The following SIM1 variants were observed in gnomAD, a reference collection of about 807,000 sequenced individuals.
The protein encoded by SIM1 is single-minded homolog 1.
In SIM1, 18 loss-of-function variants were observed where a neutral mutation model predicts 78.2. That is an observed-to-expected ratio of 0.23 (90% CI 0.16 to 0.34). The LOEUF is 0.34. SIM1 is among the 10% of genes least tolerant of loss of function. SIM1 has a pLI of 1.00. For missense variants in SIM1, 939 were observed against 975.1 expected, an observed-to-expected ratio of 0.96 and a Z score of 0.49; for synonymous variants, 417 against 385.2, an observed-to-expected ratio of 1.08 and a Z score of -0.97.
At chr6:100,425,732 G>C (rs1186374269) in intron 9 of SIM1, among the ~76,000 whole-genome samples, 3 of 152,136 alleles carry the variant, frequency 2.0e-5, no homozygotes, top group Admixed American at 2.0e-4. Flanking sequence ...GACACAAATT[G>C]TCTGGCCCTA....
At chr6:100,447,663 G>A (rs186264417) in intron 8 of SIM1, among the ~76,000 whole-genome samples, 1 of 152,352 alleles carries the variant, frequency 6.6e-6, no homozygotes, top group African/African-American at 2.4e-5. Flanking sequence ...TTAGCAAAGG[G>A]AGGAACACTT....
chr6:100,417,647 C>T (rs949318583), intron 10 of SIM1, among the ~76,000 whole-genome samples: 70 of 152,118 alleles, frequency 4.6e-4, no homozygotes, highest in African/African-American at 1.6e-3. Context: ...CCAACAGAAA[C>T]GGTGATGAGT....
At chr6:100,411,973 C>G (rs910003149) in intron 10 of SIM1, among the ~76,000 whole-genome samples, 2 of 152,078 alleles carry the variant, frequency 1.3e-5, no homozygotes, top group African/African-American at 4.8e-5. Flanking sequence ...TCACAAAGTT[C>G]AGGTAGGGGA....
intron 9 of SIM1, among the ~76,000 whole-genome samples, chr6:100,436,732 T>G (rs943907373): frequency 6.7e-6 from 1 of 148,588 alleles, no homozygotes; most frequent in South Asian, 2.1e-4. Flanking sequence ...TTTTTGTTTT[T>G]GTTTTTGGTA....
intron 9 of SIM1, among the ~76,000 whole-genome samples, chr6:100,426,521 C>T (rs959834788): frequency 3.3e-5 from 5 of 152,150 alleles, no homozygotes; most frequent in Non-Finnish European, 7.3e-5. Context: ...TAGAAGGTGT[C>T]TTCACCACAA....
At chr6:100,415,330 T>C (rs1457160964) in intron 10 of SIM1, among the ~76,000 whole-genome samples, 1 of 152,202 alleles carries the variant, frequency 6.6e-6, no homozygotes, top group Non-Finnish European at 1.5e-5. Context: ...ATAAATTCTA[T>C]AAACTCAGGT....
intron 2 of SIM1, among the ~76,000 whole-genome samples, chr6:100,458,006 T>TTCTCTCTCTCCCTCTC (rs1772719670): frequency 1.7e-4 from 15 of 90,308 alleles, no homozygotes; most frequent in South Asian, 4.9e-4. Flanking sequence ...GTCTCTCTCT[T>TTCTCTCTCTCCCTCTC]TCTCTCTCTC....
chr6:100,412,975 T>G (rs560614814), intron 10 of SIM1, among the ~76,000 whole-genome samples: 2 of 152,240 alleles, frequency 1.3e-5, no homozygotes, highest in Admixed American at 1.3e-4. Flanking sequence ...CCCCTTAACA[T>G]GTGAGCTCTC....
At chr6:100,454,801 A>G (rs546680761) in intron 2 of SIM1, among the ~76,000 whole-genome samples, 5 of 152,220 alleles carry the variant, frequency 3.3e-5, no homozygotes, top group Non-Finnish European at 7.3e-5. Flanking sequence ...GGAGTCGGCT[A>G]GAGTACCCTT....
chr6:100,443,009 T>C (rs1772254433), intron 9 of SIM1, among the ~76,000 whole-genome samples: 1 of 152,088 alleles, frequency 6.6e-6, no homozygotes, highest in Non-Finnish European at 1.5e-5. Context: ...TAACATACCA[T>C]ATGCAAACAA....
At chr6:100,450,549 G>A (rs1291815777) in intron 3 of SIM1, among the ~76,000 whole-genome samples, 193 bp from the exon 4 acceptor site, 1 of 152,160 alleles carries the variant, frequency 6.6e-6, no homozygotes, top group Non-Finnish European at 1.5e-5. Flanking sequence ...AACATCTGGG[G>A]CATGCAGCCC....
At chr6:100,457,766 C>A (rs1171613843) in intron 2 of SIM1, among the ~76,000 whole-genome samples, 1 of 152,208 alleles carries the variant, frequency 6.6e-6, no homozygotes, top group Non-Finnish European at 1.5e-5. Flanking sequence ...CTGCCTGCGG[C>A]CCTCTCCGGC....
chr6:100,463,010 T>C (rs1010380911), intron 2 of SIM1: 8 of 341,314 alleles, frequency 2.3e-5, no homozygotes, highest in Admixed American at 4.3e-5. Context: ...CAATTGAGCC[T>C]AGTATCTGAA....
At chr6:100,427,207 A>C (rs891665203) in intron 9 of SIM1, 1 of 152,226 alleles carries the variant, frequency 6.6e-6, no homozygotes, top group Non-Finnish European at 1.5e-5. Context: ...CAGCAGAGAG[A>C]GCTGACAAGG....
At chr6:100,429,386 C>T (rs545868478) in intron 9 of SIM1, among the ~76,000 whole-genome samples, 6 of 147,304 alleles carry the variant, frequency 4.1e-5, no homozygotes, top group African/African-American at 1.5e-4. Context: ...AAAAAAAACA[C>T]ACTATATACA....
chr6:100,457,338 G>A (rs1297990734), intron 2 of SIM1, among the ~76,000 whole-genome samples: 1 of 152,196 alleles, frequency 6.6e-6, no homozygotes, highest in Non-Finnish European at 1.5e-5. Flanking sequence ...AATGGGGGAG[G>A]GTGGCGGAGG....
intron 2 of SIM1, among the ~76,000 whole-genome samples, chr6:100,459,587 T>C (rs1472787601): frequency 6.6e-6 from 1 of 152,214 alleles, no homozygotes; most frequent in Non-Finnish European, 1.5e-5. Flanking sequence ...ATAACACCAT[T>C]AAGAATTTCA....
In SIM1 at chr6:100,448,192, A is replaced by G. The variant is rs761256648; in HGVS notation, c.804T>C (p.His268=). The change falls in exon 8 of 12, where the codon CAT becomes CAC. Residue 268 remains histidine (H), a synonymous_variant. Transcript: ENST00000369208. ...QDLIEKTLYH[H]VHGCDTFHLR... is the part of the protein sequence containing the mutation. The stretch of plus-strand genomic sequence containing the variant: ...GGTGGAAGGTGTCGCAGCCGTGCAC[A>G]TGGTGGTACAGAGTCTTCTCAATCA... 76 of 1,613,876 alleles carry G rather than the reference A, an allele frequency of 4.7e-5. No homozygotes were observed. The highest frequency in any genetic ancestry group is 1.6e-4 in the Middle Eastern group (1 of 6,084).
intron 9 of SIM1, among the ~76,000 whole-genome samples, chr6:100,436,011 G>GAC (rs1207672692): frequency 1.5e-5 from 2 of 129,466 alleles, no homozygotes; most frequent in African/African-American, 2.8e-5. Flanking sequence ...CACACACACA[G>GAC]ACACACACAC....
Sources: gnomAD v4.1 joint callset for allele counts (sites outside exome capture counted in the v4.1 genomes callset) on GRCh38, gnomAD v4.1.1 for gene constraint, MANE v1.5 for transcripts, NCBI Gene and HGNC (gene_info 2026-07-23, HGNC 2026-07-21) for gene names.